The following ZNF385C variants were observed in gnomAD, a reference collection of about 807,000 sequenced individuals.
ZNF385C encodes CTD-2132N18.2.
ZNF385C carries 28 observed loss-of-function variants against 35.4 expected under a neutral mutation model. That is an observed-to-expected ratio of 0.79 (90% CI 0.59 to 1.08). The LOEUF (loss-of-function observed/expected upper bound fraction) is 1.08, where lower values mean the gene tolerates loss of function less well. Ranked by LOEUF, ZNF385C falls within the 50% of genes least tolerant of loss-of-function variation. ZNF385C has a pLI of 0.00. For missense variants in ZNF385C, 605 were observed against 595.6 expected (o/e 1.02, Z -0.16); for synonymous variants, 248 against 248.2 (o/e 1.00, Z 0.01).
chr17:42,093,491 G>A (rs1231521095), intron 1 of ZNF385C, among the ~76,000 whole-genome samples: 2 of 152,166 alleles, frequency 1.3e-5, no homozygotes, highest in Non-Finnish European at 2.9e-5. Context: ...AAGTTTCAGA[G>A]TTCAGAGCCG....
chr17:42,043,983 G>A (rs1021835372), intron 2 of ZNF385C, among the ~76,000 whole-genome samples: 8 of 151,954 alleles, frequency 5.3e-5, no homozygotes, highest in African/African-American at 1.7e-4. Context: ...TAGCCCAAAA[G>A]ATGACTGTGC....
intron 1 of ZNF385C, among the ~76,000 whole-genome samples, chr17:42,082,743 G>A (rs2143931882): frequency 6.6e-6 from 1 of 152,134 alleles, no homozygotes; most frequent in South Asian, 2.1e-4. Context: ...GACCAGCCTG[G>A]GCAACATAAT....
chr17:42,080,198 C>G (rs563598256), intron 1 of ZNF385C, among the ~76,000 whole-genome samples: 1 of 152,272 alleles, frequency 6.6e-6, no homozygotes, highest in Non-Finnish European at 1.5e-5. Flanking sequence ...CCTGAGAGGA[C>G]AGCCTTATAC....
At chr17:42,068,631 C>T (rs1223583555) in intron 1 of ZNF385C, among the ~76,000 whole-genome samples, 2 of 152,136 alleles carry the variant, frequency 1.3e-5, no homozygotes, top group Non-Finnish European at 2.9e-5. Flanking sequence ...CTGGGATTAC[C>T]GGCATGTGCC....
intron 2 of ZNF385C, among the ~76,000 whole-genome samples, chr17:42,044,596 A>T (rs1388070505): frequency 1.3e-5 from 2 of 152,008 alleles, no homozygotes; most frequent in African/African-American, 4.8e-5. Flanking sequence ...AACCTGGGCA[A>T]CAAGAGCAAA....
At chr17:42,029,113 C>A in intron 5 of ZNF385C, 40 bp from the exon 6 acceptor site, 1 of 1,524,884 alleles carries the variant, frequency 6.6e-7, no homozygotes. Context: ...CAAGATGACG[C>A]TGCAGACCAC....
At chr17:42,087,582 A>G (rs1279887524) in intron 1 of ZNF385C, among the ~76,000 whole-genome samples, 1 of 152,162 alleles carries the variant, frequency 6.6e-6, no homozygotes, top group Non-Finnish European at 1.5e-5. Flanking sequence ...AGCACCTCCC[A>G]CAGCCCCACA....
Position 42,034,264 on chromosome 17 carries a change from G to A in ZNF385C, c.471C>T (p.Phe157=), listed in dbSNP as rs1555655201. 1 of 1,550,624 alleles carries A rather than the reference G, an allele frequency of 6.4e-7. No individual in the cohort carries two copies. Among genetic ancestry groups the A allele is most frequent in the African/African-American group, 1.4e-5 (1 of 73,136 alleles). The part of the protein sequence containing the change: ...GVPSPLKKKL[F]ISCNICHLRF... ...TCAGGTGACAGATGTTACAGGAAAT[G>A]AACAGCTTCTTCTTCAGAGGGGAGG... The change falls in exon 4 of 9, where the codon TTC becomes TTT. Residue 157 remains phenylalanine (F), a synonymous_variant. Transcript: ENST00000692273.
rs2052582074 is a variant in ZNF385C at position 42,026,538 on chromosome 17, T to G, written c.*359A>C. The G allele has an allele frequency of 9.7e-6, 3 of 308,878 alleles. No individual in the cohort carries two copies. Among genetic ancestry groups the G allele is most frequent in the Non-Finnish European group, 1.8e-5 (3 of 162,978 alleles). 19.1% of individuals were successfully genotyped at this position (308,878 alleles called of 1,614,324 possible). A position where few individuals can be genotyped will look rare whatever the true frequency, so the allele number is the denominator to read the frequency against. On this transcript the variant is annotated 3_prime_UTR_variant, in exon 9 of 9. Coordinates refer to ENST00000692273, the MANE Select transcript of ZNF385C (RefSeq NM_001392013.1). ...GAATAGAGGTCAGAGAGTCGTCCCC[T>G]GGCTAGGAGAGGATGGCTTGTAGAA...
chr17:42,057,514 G>A (rs1456985104), intron 2 of ZNF385C, among the ~76,000 whole-genome samples: 2 of 125,922 alleles, frequency 1.6e-5, no homozygotes, highest in African/African-American at 3.7e-5. Context: ...GCGCGCGCGC[G>A]TGTGTGTGTG....
intron 2 of ZNF385C, among the ~76,000 whole-genome samples, chr17:42,053,006 G>C (rs550876995): frequency 6.6e-6 from 1 of 152,272 alleles, no homozygotes; most frequent in African/African-American, 2.4e-5. Context: ...AGGGGAGAGA[G>C]AGCCAAAGTG....
At chr17:42,046,333 C>T (rs1377821408) in intron 2 of ZNF385C, among the ~76,000 whole-genome samples, 1 of 152,180 alleles carries the variant, frequency 6.6e-6, no homozygotes, top group African/African-American at 2.4e-5. Context: ...TGGCTCACAC[C>T]TGTAATCTCA....
At chr17:42,057,630 A>G (rs920962784) in intron 2 of ZNF385C, among the ~76,000 whole-genome samples, 1 of 151,832 alleles carries the variant, frequency 6.6e-6, no homozygotes, top group Non-Finnish European at 1.5e-5. Context: ...GGGGTGAAAG[A>G]AGGCTCAAGA....
chr17:42,042,325 T>C (rs782139753), intron 2 of ZNF385C, among the ~76,000 whole-genome samples: 3 of 152,110 alleles, frequency 2.0e-5, no homozygotes, highest in Non-Finnish European at 4.4e-5. Context: ...AGTTCGAAAC[T>C]GGCCTGGCCA....
chr17:42,057,618 A>G (rs1156408136), intron 2 of ZNF385C, among the ~76,000 whole-genome samples: 1 of 151,344 alleles, frequency 6.6e-6, no homozygotes, highest in Non-Finnish European at 1.5e-5. Flanking sequence ...AGGAGAGGCA[A>G]GGGGGTGAAA....
intron 3 of ZNF385C, among the ~76,000 whole-genome samples, chr17:42,035,844 G>A (rs113809874): frequency 0.015 from 2,309 of 152,100 alleles, 23 homozygotes; most frequent in Non-Finnish European, 0.024. Context: ...GTGAGCCACC[G>A]TGCCCAGCCA....
intron 2 of ZNF385C, chr17:42,038,233 G>T: frequency 7.0e-6 from 4 of 568,380 alleles, no homozygotes; most frequent in Middle Eastern, 4.6e-4. Context: ...GAGACTGCAT[G>T]ATGTGCTGGG....
chr17:42,042,766 G>C, intron 2 of ZNF385C: 11 of 1,160,984 alleles, frequency 9.5e-6, no homozygotes, highest in Non-Finnish European at 1.2e-5. Context: ...GCATGCTGGG[G>C]CTGTTCCCAG....
chr17:42,063,797 C>A (rs2053502601), intron 1 of ZNF385C, among the ~76,000 whole-genome samples: 1 of 152,168 alleles, frequency 6.6e-6, no homozygotes, highest in Non-Finnish European at 1.5e-5. Context: ...CTGTGACAGC[C>A]AGGCATGTGG....
Sources: gnomAD v4.1 joint callset for allele counts (sites outside exome capture counted in the v4.1 genomes callset) on GRCh38, gnomAD v4.1.1 for gene constraint, MANE v1.5 for transcripts, NCBI Gene and HGNC (gene_info 2026-07-23, HGNC 2026-07-21) for gene names.